Variants in INPP5F observed in about 807,000 individuals in gnomAD.
INPP5F encodes the protein phosphatidylinositide 4-phosphatase SAC2.
A neutral mutation model predicts 137.2 loss-of-function variants in INPP5F; 97 were observed. The observed-to-expected ratio is 0.71, with a 90% confidence interval of 0.60 to 0.84. The LOEUF (loss-of-function observed/expected upper bound fraction) is 0.84, where lower values mean the gene tolerates loss of function less well. Among genes scored for constraint, INPP5F ranks in the 40% least tolerant of loss-of-function variants. The pLI is 0.00. For synonymous variants in INPP5F, 504 were observed against 476.9 expected (o/e 1.06, Z -0.74); for missense variants, 1,271 against 1,371.9 (o/e 0.93, Z 1.16).
intron 9 of INPP5F, among the ~76,000 whole-genome samples, chr10:119,802,095 G>A (rs1166228744): frequency 1.3e-5 from 2 of 152,156 alleles, no homozygotes; most frequent in African/African-American, 2.4e-5. Context: ...TGTTCATTGG[G>A]GATTTAGCCA....
chr10:119,819,586 A>G, intron 15 of INPP5F: 1 of 1,476,196 alleles, frequency 6.8e-7, no homozygotes, highest in Non-Finnish European at 9.3e-7. Flanking sequence ...GTTATTTGGT[A>G]TTATTCTCTA....
In INPP5F at chr10:119,827,412, C is replaced by T; in HGVS notation, c.3031C>T (p.Pro1011Ser). 3 of 1,614,162 alleles carry T rather than the reference C, an allele frequency of 1.9e-6. No individual in the cohort carries two copies. The highest frequency in any genetic ancestry group is 2.5e-6 in the Non-Finnish European group (3 of 1,180,012). Reference protein sequence around the residue: ...SESTEQTPSRPSQLDVSLSAT... With the variant: ...SESTEQTPSRSSQLDVSLSAT... ...ATCAACAGAACAGACACCTTCTCGG[C>T]CATCGCAATTAGATGTCTCTCTTTC... The change falls in exon 20 of 20, where the codon CCA (proline) becomes TCA (serine). Residue 1011 changes from proline to serine, a missense_variant. This residue lies in a region of INPP5F where 490 missense variants were observed against 443.7 expected (regional missense o/e 1.10). Coordinates refer to ENST00000650623, the MANE Select transcript of INPP5F (RefSeq NM_014937.4).
At chr10:119,801,347 C>CCA (rs1159361055) in intron 9 of INPP5F, among the ~76,000 whole-genome samples, 1 of 152,224 alleles carries the variant, frequency 6.6e-6, no homozygotes, top group African/African-American at 2.4e-5. Context: ...TTTATTCTAT[C>CCA]CACACACATA....
chr10:119,823,816 T>C lies in INPP5F; in HGVS notation c.2163T>C (p.Asp721=). 6.2e-7 allele frequency: 1 copy of C among 1,612,634 alleles called. No homozygotes were observed. The highest frequency in any genetic ancestry group is 8.5e-7 in the Non-Finnish European group (1 of 1,179,148). The change falls in exon 19 of 20, where the codon GAT becomes GAC. Residue 721 remains aspartate, a splice_region_variant and synonymous_variant. Coordinates refer to ENST00000650623, the MANE Select transcript of INPP5F (RefSeq NM_014937.4). ...CAGGCAGTTATATTTGGGTTGCAGATACCCTTCAGTGCATTGCAGAGATGC... is the reference window on the plus strand; with the variant it reads ...CAGGCAGTTATATTTGGGTTGCAGACACCCTTCAGTGCATTGCAGAGATGC... ...VMRNPEEDGK[D]TLQCIAEMLQ...
chr10:119,819,539 C>T lies in INPP5F; in HGVS notation c.1887-1307C>T, dbSNP rs866343699. 121 of 1,598,684 alleles carry T rather than the reference C, an allele frequency of 7.6e-5. 1 individual carries two copies. In the Admixed American group the frequency reaches 2.0e-3, roughly 26 times the overall value. On this transcript the variant is annotated intron_variant, in intron 15 of 19. Coordinates refer to ENST00000650623, the MANE Select transcript of INPP5F (RefSeq NM_014937.4). The stretch of plus-strand genomic sequence containing the variant: ...CTCAAGCAACAATTTTCAGAGTGCA[C>T]GTAAGTATCAACGCGTAAAACTTAA...
rs1589707410 is a variant in INPP5F, at chr10:119,781,504, G to A, written c.179-131G>A. Reference sequence around the variant, plus strand: ...GGGTCATTTTATGTCTTTGTGACATGTTTTACTTTAAAAGTTTATTTTGGA... The same window carrying A: ...GGGTCATTTTATGTCTTTGTGACATATTTTACTTTAAAAGTTTATTTTGGA... On this transcript the variant is annotated intron_variant, in intron 2 of 19. Coordinates refer to ENST00000650623, the MANE Select transcript of INPP5F (RefSeq NM_014937.4). 11 of 661,378 alleles carry A rather than the reference G, an allele frequency of 1.7e-5. No individual in the cohort carries two copies. In the South Asian group the frequency reaches 2.4e-4, roughly 14 times the overall value. 41.0% of individuals were successfully genotyped at this position (661,378 alleles called of 1,614,324 possible).
chr10:119,768,091 T>C (rs1378606003), intron 2 of INPP5F, among the ~76,000 whole-genome samples: 1 of 152,242 alleles, frequency 6.6e-6, no homozygotes, highest in South Asian at 2.1e-4. Context: ...AGTGCAAATA[T>C]AGACTCTTCT....
chr10:119,754,685 C>G lies in INPP5F; in HGVS notation c.178+3529C>G, dbSNP rs140808119. Among the ~76,000 whole-genome samples, 1,321 of 152,096 alleles carry G rather than the reference C, an allele frequency of 8.7e-3. 9 individuals are homozygous for G. The highest frequency in any genetic ancestry group is 0.012 in the Non-Finnish European group (800 of 67,988). On this transcript the variant is annotated intron_variant, in intron 2 of 19. Transcript: ENST00000650623. ...AGCAAAGGGAAACACTTTTCTGGGC[C>G]CCTGCTGCTTTTCCCTCCCTCCCAA...
intron 6 of INPP5F, 107 bp downstream of exon 6, chr10:119,792,320 T>C (rs1850176310): frequency 1.3e-6 from 1 of 789,504 alleles, no homozygotes; most frequent in Non-Finnish European, 2.0e-6. Flanking sequence ...TATATTAAGA[T>C]ACATTTTTAA....
intron 2 of INPP5F, among the ~76,000 whole-genome samples, chr10:119,757,664 G>A (rs985371263): frequency 1.3e-5 from 2 of 151,712 alleles, no homozygotes; most frequent in Non-Finnish European, 2.9e-5. Flanking sequence ...TGTGGCATGC[G>A]CCTGTAATCC....
intron 19 of INPP5F, among the ~76,000 whole-genome samples, chr10:119,824,413 C>T (rs1851684423): frequency 6.6e-6 from 1 of 152,228 alleles, no homozygotes; most frequent in South Asian, 2.1e-4. Context: ...TAGAACATCC[C>T]TCCATGTAGG....
At chr10:119,810,660 A>G (rs1445012031) in intron 14 of INPP5F, among the ~76,000 whole-genome samples, 2 of 152,228 alleles carry the variant, frequency 1.3e-5, no homozygotes, top group Non-Finnish European at 2.9e-5. Flanking sequence ...ATGGTTTATC[A>G]GAATATTAGG....
intron 3 of INPP5F, 77 bp downstream of exon 3, chr10:119,781,848 C>A (rs1849720516): frequency 8.4e-7 from 1 of 1,186,966 alleles, no homozygotes; most frequent in Non-Finnish European, 1.2e-6. Context: ...GTTCAGTAGA[C>A]CAGAAACTTA....
At chr10:119,798,277 G>T in intron 8 of INPP5F, among the ~76,000 whole-genome samples, 1 of 152,078 alleles carries the variant, frequency 6.6e-6, no homozygotes, top group East Asian at 1.9e-4. Context: ...TATAAACTAC[G>T]TGAAAACTTT....
At chr10:119,783,555 C>T (rs1290042668) in intron 3 of INPP5F, among the ~76,000 whole-genome samples, 2 of 152,096 alleles carry the variant, frequency 1.3e-5, no homozygotes, top group African/African-American at 4.8e-5. Context: ...TTCATGGCCA[C>T]CAATCTGTAA....
At chr10:119,823,007 A>C in intron 17 of INPP5F, 64 bp from the exon 18 acceptor site, 2 of 1,476,438 alleles carry the variant, frequency 1.4e-6, no homozygotes, top group Non-Finnish European at 1.8e-6. Flanking sequence ...GGGTCTTTTT[A>C]AGATAATAGA....
chr10:119,765,999 A>G (rs1849155584), intron 2 of INPP5F, among the ~76,000 whole-genome samples: 1 of 151,972 alleles, frequency 6.6e-6, no homozygotes. Flanking sequence ...GGAGGCTGCC[A>G]TCTGCAATCT....
intron 3 of INPP5F, among the ~76,000 whole-genome samples, chr10:119,788,562 C>A (rs138672069): frequency 6.6e-6 from 1 of 152,298 alleles, no homozygotes; most frequent in Non-Finnish European, 1.5e-5. Context: ...AGAGCCTTTA[C>A]TCCTTGACCT....
At chr10:119,764,731 G>A (rs1432095349) in intron 2 of INPP5F, among the ~76,000 whole-genome samples, 2 of 151,192 alleles carry the variant, frequency 1.3e-5, no homozygotes, top group African/African-American at 4.9e-5. Flanking sequence ...TCAGGCATGC[G>A]CCACCATGCC....
Sources: gnomAD v4.1 joint callset for allele counts (sites outside exome capture counted in the v4.1 genomes callset) on GRCh38, gnomAD v4.1.1 for gene constraint, gnomAD v4.1.1 regional missense constraint, MANE v1.5 for transcripts, NCBI Gene and HGNC (gene_info 2026-07-23, HGNC 2026-07-21) for gene names.